Variants in SH2D3C observed in about 807,000 individuals in gnomAD.
SH2D3C encodes the protein SH2 domain containing 3C.
Under a neutral mutation model 75.2 loss-of-function variants are expected in SH2D3C, and 25 were observed. The ratio of observed to expected loss-of-function variants is 0.33; its 90% CI spans 0.24 to 0.46. The LOEUF is 0.46. Among genes scored for constraint, SH2D3C ranks in the 20% least tolerant of loss-of-function variants. SH2D3C has a pLI of 1.00. For missense variants in SH2D3C, 933 were observed against 1,165.3 expected (o/e 0.80, Z 2.90); for synonymous variants, 450 against 473.7 (o/e 0.95, Z 0.65).
intron 2 of SH2D3C, among the ~76,000 whole-genome samples, chr9:127,770,724 G>A (rs960670639): frequency 3.9e-5 from 6 of 152,212 alleles, no homozygotes; most frequent in Non-Finnish European, 8.8e-5. Context: ...GATGCCAGAG[G>A]CACTGTTAGG....
intron 2 of SH2D3C, among the ~76,000 whole-genome samples, chr9:127,773,293 G>A (rs1227952441): frequency 6.6e-6 from 1 of 152,132 alleles, no homozygotes; most frequent in Non-Finnish European, 1.5e-5. Flanking sequence ...GTATTGTCCA[G>A]CAGAACTAAT....
chr9:127,747,778 G>A (rs1042042033), intron 5 of SH2D3C, among the ~76,000 whole-genome samples: 2 of 152,128 alleles, frequency 1.3e-5, no homozygotes, highest in Non-Finnish European at 2.9e-5. Flanking sequence ...GACCTCAGGT[G>A]ATTCACCCAC....
chr9:127,770,423 A>G (rs927615745), intron 2 of SH2D3C, among the ~76,000 whole-genome samples: 1 of 152,186 alleles, frequency 6.6e-6, no homozygotes, highest in African/African-American at 2.4e-5. Context: ...GGATCCTCAG[A>G]GACCATCTCA....
At chr9:127,740,120 G>T in intron 10 of SH2D3C, 138 bp downstream of exon 10, 1 of 795,686 alleles carries the variant, frequency 1.3e-6, no homozygotes, top group Non-Finnish European at 2.0e-6. Flanking sequence ...GGCTGACACA[G>T]CTGCCAGCAG....
At position 127,774,649 on chromosome 9, in the gene SH2D3C, C is replaced by T. The variant is rs762170854; in HGVS notation, c.38-182G>A. ...GTATAAGATGGGAGCTTTGGAGTCACGGGGCCCTGGACTTGAATTCCTGCT... is the reference window on the plus strand; with the variant it reads ...GTATAAGATGGGAGCTTTGGAGTCATGGGGCCCTGGACTTGAATTCCTGCT... On this transcript the variant is annotated intron_variant, in intron 1 of 11. Transcript: ENST00000314830. The surrounding 1 kb of genome is among the most constrained non-coding windows in gnomAD (Gnocchi z 4.3). 6.6e-6 allele frequency among the ~76,000 whole-genome samples: 1 copy of T among 152,116 alleles called. No individual in the cohort carries two copies. Among genetic ancestry groups the T allele is most frequent in the Non-Finnish European group, 1.5e-5 (1 of 68,020 alleles).
chr9:127,771,361 C>A, intron 2 of SH2D3C: 1 of 1,354,000 alleles, frequency 7.4e-7, no homozygotes, highest in Non-Finnish European at 9.5e-7. Flanking sequence ...GACCACGCCC[C>A]CAGACACGCC....
chr9:127,744,870 G>A lies in SH2D3C; in HGVS notation c.1494C>T (p.Leu498=). 1 of 1,614,022 alleles carries A rather than the reference G, an allele frequency of 6.2e-7. No individual in the cohort carries two copies. Among genetic ancestry groups the A allele is most frequent in the Admixed American group, 1.7e-5 (1 of 60,004 alleles). The change falls in exon 7 of 12, where the codon CTC becomes CTT. Residue 498 remains leucine (L), a synonymous_variant. Coordinates refer to ENST00000314830, the MANE Select transcript of SH2D3C (RefSeq NM_170600.3). ...CTCGGCTGCCACGCACGGGAGGCTG[G>A]AGCTGGCAGTAGTGGCCAGAGTCCG... ...SDPDSGHYCQ[L]QPPVRGSREW... is the part of the protein sequence containing the mutation.
intron 6 of SH2D3C, among the ~76,000 whole-genome samples, chr9:127,746,391 C>A (rs1437846422): frequency 6.6e-6 from 1 of 152,148 alleles, no homozygotes; most frequent in Non-Finnish European, 1.5e-5. Context: ...CAGAAATGAT[C>A]TATTGGAATG....
At chr9:127,748,810 C>T (rs1337320940) in intron 5 of SH2D3C, among the ~76,000 whole-genome samples, 2 of 152,210 alleles carry the variant, frequency 1.3e-5, no homozygotes, top group South Asian at 4.1e-4. Context: ...TGCTCAGATG[C>T]CCACCTTGGC....
At position 127,749,821 on chromosome 9, in the gene SH2D3C, G is replaced by A. The variant is rs756778401; in HGVS notation, c.685-156C>T. Among the ~76,000 whole-genome samples, 22 of 152,238 alleles carry A rather than the reference G, an allele frequency of 1.4e-4. No individual in the cohort carries two copies. Among genetic ancestry groups the A allele is most frequent in the East Asian group, 5.8e-4 (3 of 5,180 alleles). ...ACAGAGACATCTGACATCTGAGAGCGGGGATGCAATGACCCAGGTTCACAG... is the reference window on the plus strand; with the variant it reads ...ACAGAGACATCTGACATCTGAGAGCAGGGATGCAATGACCCAGGTTCACAG... On this transcript the variant is annotated intron_variant, in intron 4 of 11. Coordinates refer to ENST00000314830, the MANE Select transcript of SH2D3C (RefSeq NM_170600.3). This position sits in a 1 kb window ranked among gnomAD's most constrained non-coding sequence, Gnocchi z 5.9.
intron 6 of SH2D3C, among the ~76,000 whole-genome samples, chr9:127,745,983 T>C (rs1348137218): frequency 6.6e-6 from 1 of 152,156 alleles, no homozygotes; most frequent in Non-Finnish European, 1.5e-5. Flanking sequence ...GTAAGTACTT[T>C]TATAATCCTC....
At position 127,738,905 on chromosome 9, in the gene SH2D3C, C is replaced by T. The variant is rs750680277; in HGVS notation, c.2424G>A (p.Pro808=). 33 of 1,585,076 alleles carry T rather than the reference C, an allele frequency of 2.1e-5. No homozygotes were observed. The highest frequency in any genetic ancestry group is 8.1e-5 in the African/African-American group (6 of 74,428). ...EVKLQGFQAR[P]ELLEVFSTEF... is the part of the protein sequence containing the mutation. ...CCGTGCTGAACACCTCCAGGAGCTCCGGCCGGGCCTGGAACCCTGCAGTGT... is the reference window on the plus strand; with the variant it reads ...CCGTGCTGAACACCTCCAGGAGCTCTGGCCGGGCCTGGAACCCTGCAGTGT... Residue 808 remains proline, a synonymous_variant, in exon 12 of 12, where the codon CCG becomes CCA. Transcript: ENST00000314830. This position sits in a 1 kb window ranked among gnomAD's most constrained non-coding sequence, Gnocchi z 5.0.
At chr9:127,755,381 C>A in intron 3 of SH2D3C, 1 of 353,662 alleles carries the variant, frequency 2.8e-6, no homozygotes, top group Non-Finnish European at 4.8e-6. Context: ...TCCGCCCGCC[C>A]CCCGCTCCCA....
At chr9:127,765,312 C>T (rs892744238) in intron 2 of SH2D3C, among the ~76,000 whole-genome samples, 3 of 152,206 alleles carry the variant, frequency 2.0e-5, no homozygotes, top group African/African-American at 7.2e-5. Flanking sequence ...TGACTTAGCA[C>T]GCATTTCCTC....
chr9:127,761,590 C>A (rs376243378), intron 3 of SH2D3C, 21 bp downstream of exon 3: 2 of 1,596,914 alleles, frequency 1.3e-6, no homozygotes. Context: ...CTCTGACCAA[C>A]CCCTGGCCAG....
intron 1 of SH2D3C, among the ~76,000 whole-genome samples, chr9:127,775,084 G>A (rs939019619): frequency 6.6e-6 from 1 of 151,828 alleles, no homozygotes; most frequent in Admixed American, 6.6e-5. Context: ...GCAAAACTCC[G>A]TCTCAAAATT....
Position 127,749,303 on chromosome 9 carries a change from G to A in SH2D3C, c.1047C>T (p.Gly349=), listed in dbSNP as rs140967477. ...GCCGCTTCATGTGGCTGCCCTTGGG[G>A]CCTGAGGGGCTGACGGGGCTAGCAG... ...SKPASPVSPS[G]PKGSHMKRRS... The change falls in exon 5 of 12, where the codon GGC becomes GGT. Residue 349 remains glycine, a synonymous_variant. Transcript: ENST00000314830. This position sits in a 1 kb window ranked among gnomAD's most constrained non-coding sequence, Gnocchi z 5.9. The A allele has an allele frequency of 3.0e-5, 48 of 1,611,098 alleles. No individual in the cohort carries two copies. In the African/African-American group the frequency reaches 5.1e-4, roughly 17 times the overall value.
chr9:127,741,484 G>A (rs1255209739), intron 9 of SH2D3C, among the ~76,000 whole-genome samples: 1 of 151,622 alleles, frequency 6.6e-6, no homozygotes, highest in Non-Finnish European at 1.5e-5. Context: ...TGATCCGCCC[G>A]CCTCAGCCTC....
chr9:127,739,022 G>T lies in SH2D3C; in HGVS notation c.2408-101C>A. 3 of 1,076,568 alleles carry T rather than the reference G, an allele frequency of 2.8e-6. No homozygotes were observed. Among genetic ancestry groups the T allele is most frequent in the South Asian group, 2.0e-5 (1 of 51,196 alleles). The allele number at this position is 1,076,568 out of a possible 1,614,324, so 66.7% of individuals were successfully genotyped here. A position where few individuals can be genotyped will look rare whatever the true frequency, so the allele number is the denominator to read the frequency against. ...CTGTTAGGGACCTCCCCTCAACTCCGCCAGGGATCCAACAAGGTTTGTGAA... is the reference window on the plus strand; with the variant it reads ...CTGTTAGGGACCTCCCCTCAACTCCTCCAGGGATCCAACAAGGTTTGTGAA... On this transcript the variant is annotated intron_variant, in intron 11 of 11. Coordinates refer to ENST00000314830, the MANE Select transcript of SH2D3C (RefSeq NM_170600.3). The surrounding 1 kb of genome is among the most constrained non-coding windows in gnomAD (Gnocchi z 4.3).
Sources: gnomAD v4.1 joint callset for allele counts (sites outside exome capture counted in the v4.1 genomes callset) on GRCh38, gnomAD v4.1.1 for gene constraint, Gnocchi (gnomAD v3.1) non-coding constraint, MANE v1.5 for transcripts, NCBI Gene and HGNC (gene_info 2026-07-23, HGNC 2026-07-21) for gene names.